Variants in TCERG1L observed in about 807,000 individuals in gnomAD.
TCERG1L encodes the protein transcription elongation regulator 1-like protein.
Under a neutral mutation model 56.3 loss-of-function variants are expected in TCERG1L, and 37 were observed. The observed-to-expected ratio is 0.66, with a 90% CI of 0.51 to 0.87. TCERG1L has a LOEUF of 0.87. TCERG1L is among the 40% of genes least tolerant of loss of function. The pLI is 0.00. For synonymous variants in TCERG1L, 324 were observed against 326.3 expected (o/e 0.99, Z 0.08); for missense variants, 799 against 774.2 (o/e 1.03, Z -0.38).
chr10:131,221,155 C>A lies in TCERG1L; in HGVS notation c.856+39104G>T, dbSNP rs142435934. ...TGCCTCCTCTCCAACTCCCTGCAGG[C>A]CACAGGGGCAGCCCAGAATGGCAGG... On this transcript the variant is annotated intron_variant, in intron 4 of 11. Transcript: ENST00000368642. Among the ~76,000 whole-genome samples the A allele has an allele frequency of 5.6e-4, 85 of 152,356 alleles. No homozygotes were observed. In the East Asian group the frequency reaches 8.7e-3, roughly 16 times the overall value.
chr10:131,311,262 A>G lies in TCERG1L; in HGVS notation c.342+32T>C. On this transcript the variant is annotated intron_variant, in intron 1 of 11. Transcript: ENST00000368642. This position sits in a 1 kb window ranked among gnomAD's most constrained non-coding sequence, Gnocchi z 4.0. ...GCGCCCAGGAGCAGGGGAGACGGCG[A>G]CCCGGGCCGAGGCGGGACGGGGACA... 9.2e-7 allele frequency: 1 copy of G among 1,085,660 alleles called. No individual in the cohort carries two copies. The highest frequency in any genetic ancestry group is 1.1e-6 in the Non-Finnish European group (1 of 897,836). The allele number at this position is 1,085,660 out of a possible 1,614,324, so 67.3% of individuals were successfully genotyped here.
chr10:131,210,342 T>C (rs2133487155), intron 4 of TCERG1L, among the ~76,000 whole-genome samples: 1 of 152,190 alleles, frequency 6.6e-6, no homozygotes, highest in South Asian at 2.1e-4. Flanking sequence ...CCCCCAACCC[T>C]CTGCCCCCAG....
At chr10:131,107,662 C>T (rs189190771) in intron 9 of TCERG1L, among the ~76,000 whole-genome samples, 61 of 152,182 alleles carry the variant, frequency 4.0e-4, no homozygotes, top group African/African-American at 7.2e-4. Flanking sequence ...CTGTTGTTCC[C>T]GAGCCTGCGT....
chr10:131,131,046 G>A (rs1252820421), intron 8 of TCERG1L, among the ~76,000 whole-genome samples: 1 of 152,196 alleles, frequency 6.6e-6, no homozygotes, highest in East Asian at 1.9e-4. Context: ...AAGCTACACT[G>A]TGCATTTCAC....
chr10:131,306,306 C>A (rs1445448722), intron 3 of TCERG1L, among the ~76,000 whole-genome samples: 1 of 151,962 alleles, frequency 6.6e-6, no homozygotes, highest in African/African-American at 2.4e-5. Context: ...TCAGAAATTA[C>A]CATCTCAAAA....
chr10:131,244,341 G>A (rs113558156), intron 4 of TCERG1L, among the ~76,000 whole-genome samples: 13 of 152,260 alleles, frequency 8.5e-5, no homozygotes, highest in African/African-American at 2.4e-4. Context: ...GAACAGGCAC[G>A]TGCTTTCATC....
At chr10:131,189,296 T>C (rs1845280843) in intron 4 of TCERG1L, among the ~76,000 whole-genome samples, 3 of 152,224 alleles carry the variant, frequency 2.0e-5, no homozygotes, top group South Asian at 4.1e-4. Context: ...ACACACAGTG[T>C]GCCCATTACA....
chr10:131,275,895 G>A (rs780485409), intron 3 of TCERG1L, among the ~76,000 whole-genome samples: 7 of 152,138 alleles, frequency 4.6e-5, no homozygotes, highest in African/African-American at 1.7e-4. Context: ...GGACGCCTGG[G>A]CATGACAACG....
chr10:131,193,964 G>A (rs1170817196), intron 4 of TCERG1L, among the ~76,000 whole-genome samples: 2 of 152,230 alleles, frequency 1.3e-5, no homozygotes, highest in African/African-American at 4.8e-5. Flanking sequence ...AACCCCAGAA[G>A]GGGAGTGGCT....
chr10:131,227,632 C>G (rs1845806821), intron 4 of TCERG1L, among the ~76,000 whole-genome samples: 1 of 152,248 alleles, frequency 6.6e-6, no homozygotes, highest in Admixed American at 6.5e-5. Context: ...GGGCAACCGT[C>G]AGCTCAGCCT....
At chr10:131,105,736 T>C (rs1845346216) in intron 9 of TCERG1L, among the ~76,000 whole-genome samples, 1 of 152,078 alleles carries the variant, frequency 6.6e-6, no homozygotes, top group African/African-American at 2.4e-5. Flanking sequence ...TACTCGTTCA[T>C]GCCTCCACAT....
At chr10:131,266,398 T>C (rs558331159) in intron 3 of TCERG1L, among the ~76,000 whole-genome samples, 4 of 152,348 alleles carry the variant, frequency 2.6e-5, no homozygotes, top group African/African-American at 9.6e-5. Flanking sequence ...ATGGATGTTG[T>C]GTTAGCAGGC....
intron 3 of TCERG1L, among the ~76,000 whole-genome samples, chr10:131,282,134 T>C (rs1846464201): frequency 2.5e-5 from 2 of 79,962 alleles, no homozygotes; most frequent in African/African-American, 5.1e-5. Context: ...AGACTCCATC[T>C]CAGAAAAAAA....
At chr10:131,108,471 C>T (rs1845376517) in intron 9 of TCERG1L, among the ~76,000 whole-genome samples, 1 of 62,226 alleles carries the variant, frequency 1.6e-5, no homozygotes, top group Non-Finnish European at 3.9e-5. Context: ...TGCTGCTCAT[C>T]TTCTACCACC....
At chr10:131,207,543 C>T (rs1845550737) in intron 4 of TCERG1L, among the ~76,000 whole-genome samples, 1 of 152,230 alleles carries the variant, frequency 6.6e-6, no homozygotes, top group Non-Finnish European at 1.5e-5. Context: ...TTTTGTTCTC[C>T]CCTGGCTCCA....
At position 131,311,719 on chromosome 10, in the gene TCERG1L, C is replaced by T. The variant is rs1001553718; in HGVS notation, c.-84G>A. On this transcript the variant is annotated 5_prime_UTR_variant, in exon 1 of 12. Transcript: ENST00000368642. The surrounding 1 kb of genome is among the most constrained non-coding windows in gnomAD (Gnocchi z 4.0). The stretch of plus-strand genomic sequence containing the variant: ...GGCGGCGGCGCGGCTCCGGAGCGAA[C>T]TCACTTGGCTCCGCGGCGCGGCCGC... 1.7e-5 allele frequency: 11 copies of T among 640,112 alleles called. No homozygotes were observed. In the Admixed American group the frequency reaches 4.5e-4, roughly 26 times the overall value. The allele number at this position is 640,112 out of a possible 1,614,324, so 39.7% of individuals were successfully genotyped here.
At position 131,273,656 on chromosome 10, in the gene TCERG1L, G is replaced by A. The variant is rs1304048505; in HGVS notation, c.671-13212C>T. On this transcript the variant is annotated intron_variant, in intron 3 of 11. Transcript: ENST00000368642. ...GAGAGGAGGCTCCAGGGCGGAGGGC[G>A]TCATTTCCCCCAGAGGAGACGCTGC... 5.3e-5 allele frequency among the ~76,000 whole-genome samples: 8 copies of A among 152,130 alleles called. No homozygotes were observed. The East Asian group carries it at 5.8e-4, about 11-fold the overall frequency.
intron 4 of TCERG1L, among the ~76,000 whole-genome samples, chr10:131,190,333 T>C (rs1056152174): frequency 1.3e-5 from 2 of 152,198 alleles, no homozygotes; most frequent in African/African-American, 4.8e-5. Flanking sequence ...CACAGCTGCA[T>C]TCTACCAGAC....
chr10:131,111,400 G>C lies in TCERG1L; in HGVS notation c.1395+5399C>G, dbSNP rs945524309. Among the ~76,000 whole-genome samples, 19 of 142,670 alleles carry C rather than the reference G, an allele frequency of 1.3e-4. 4 individuals carry two copies. The highest frequency in any genetic ancestry group is 2.4e-4 in the Non-Finnish European group (15 of 63,378). The allele number at this position is 142,670 out of a possible 152,430, so 93.6% of individuals were successfully genotyped here. A position where few individuals can be genotyped will look rare whatever the true frequency, so the allele number is the denominator to read the frequency against. On this transcript the variant is annotated intron_variant, in intron 9 of 11. Transcript: ENST00000368642. Reference sequence around the variant, plus strand: ...GAACTTCCATCTCAAACACAAACCTGGTTACTTTTGCGAAAGTCCTGGAAG... The same window carrying C: ...GAACTTCCATCTCAAACACAAACCTCGTTACTTTTGCGAAAGTCCTGGAAG...
Sources: gnomAD v4.1 joint callset for allele counts (sites outside exome capture counted in the v4.1 genomes callset) on GRCh38, gnomAD v4.1.1 for gene constraint, Gnocchi (gnomAD v3.1) non-coding constraint, MANE v1.5 for transcripts, NCBI Gene and HGNC (gene_info 2026-07-23, HGNC 2026-07-21) for gene names.